Variants in NID1 observed in about 807,000 individuals in gnomAD.
The protein encoded by NID1 is nidogen 1, also known as nidogen-1.
NID1 carries 76 observed loss-of-function variants against 130.6 expected under a neutral mutation model. The observed-to-expected ratio is 0.58, with a 90% CI of 0.48 to 0.70. NID1 has a LOEUF of 0.70. Among genes scored for constraint, NID1 ranks in the 30% least tolerant of loss-of-function variants. The pLI is 0.00. For synonymous variants in NID1, 665 were observed against 675.1 expected, an observed-to-expected ratio of 0.98 and a Z score of 0.23; for missense variants, 1,517 against 1,664.8, an observed-to-expected ratio of 0.91 and a Z score of 1.54.
chr1:236,001,284 T>C (rs1216492881), intron 12 of NID1, among the ~76,000 whole-genome samples: 1 of 152,070 alleles, frequency 6.6e-6, no homozygotes, highest in African/African-American at 2.4e-5. Flanking sequence ...TTTCTGTATT[T>C]TTAGTAGAGA....
chr1:236,004,242 A>G (rs1056156549), intron 12 of NID1, among the ~76,000 whole-genome samples: 1 of 152,122 alleles, frequency 6.6e-6, no homozygotes, highest in African/African-American at 2.4e-5. Flanking sequence ...TAACTAGGTA[A>G]CAAAATCCAT....
At chr1:236,004,329 G>A (rs1406961244) in intron 12 of NID1, among the ~76,000 whole-genome samples, 1 of 152,182 alleles carries the variant, frequency 6.6e-6, no homozygotes, top group South Asian at 2.1e-4. Context: ...TGTCATCTTT[G>A]TGTGGCAGAC....
intron 12 of NID1, among the ~76,000 whole-genome samples, chr1:235,995,584 C>T (rs766219154): frequency 5.9e-5 from 9 of 152,226 alleles, no homozygotes; most frequent in African/African-American, 2.2e-4. Flanking sequence ...CTGCTAAGAG[C>T]TATACTTCAT....
chr1:236,011,983 C>T lies in NID1; in HGVS notation c.2465G>A (p.Gly822Asp). ...HPDAFCYNTPGSFTCQCKPGY... is the reference protein window; with the variant it reads ...HPDAFCYNTPDSFTCQCKPGY... ...AGGTTTGCACTGGCACGTGAAAGAGCCTGGAGTGTTGTAGCAGAAGGCGTC... is the reference window on the plus strand; with the variant it reads ...AGGTTTGCACTGGCACGTGAAAGAGTCTGGAGTGTTGTAGCAGAAGGCGTC... The change falls in exon 12 of 20, where the codon GGC (glycine) becomes GAC (aspartate). Residue 822 changes from glycine to aspartate, a missense_variant. Transcript: ENST00000264187. 1.9e-6 allele frequency: 3 copies of T among 1,614,214 alleles called. No homozygotes were observed. Among genetic ancestry groups the T allele is most frequent in the Non-Finnish European group, 1.7e-6 (2 of 1,180,032 alleles).
At chr1:236,019,985 C>T (rs529699425) in intron 9 of NID1, among the ~76,000 whole-genome samples, 55 of 147,160 alleles carry the variant, frequency 3.7e-4, no homozygotes, top group African/African-American at 1.2e-3. Context: ...TGCAGTGAGC[C>T]GAAATTGCGC....
At position 235,981,666 on chromosome 1, in the gene NID1, G is replaced by A. The variant is rs147237712; in HGVS notation, c.3172C>T (p.Leu1058Phe). 102 of 1,614,078 alleles carry A rather than the reference G, an allele frequency of 6.3e-5. No individual in the cohort carries two copies. Among genetic ancestry groups the A allele is most frequent in the Non-Finnish European group, 1.0e-5 (12 of 1,180,038 alleles). The change falls in exon 16 of 20, where the codon CTC (leucine) becomes TTC (phenylalanine). Residue 1058 changes from leucine to phenylalanine, a missense_variant. By Grantham distance (22) the Leu-to-Phe change is conservative (BLOSUM62 0). Around this residue, in one of 3 missense-constraint regions of NID1, gnomAD observed 1,329 missense variants for 1,429.2 expected, o/e 0.93. Transcript: ENST00000264187. ...GGATTCACCAAGTCAGTCTCAAAGAGCACCCGGCGCTGCGTGCCGTCCAGC... is the reference window on the plus strand; with the variant it reads ...GGATTCACCAAGTCAGTCTCAAAGAACACCCGGCGCTGCGTGCCGTCCAGC... ...AKLDGTQRRV[L>F]FETDLVNPRG...
At chr1:236,057,455 C>A (rs541939416) in intron 1 of NID1, among the ~76,000 whole-genome samples, 1 of 152,164 alleles carries the variant, frequency 6.6e-6, no homozygotes, top group African/African-American at 2.4e-5. Context: ...CTCAGCTGGG[C>A]GTGGTGGCTC....
At chr1:236,005,237 G>T (rs894048213) in intron 12 of NID1, among the ~76,000 whole-genome samples, 11 of 151,752 alleles carry the variant, frequency 7.2e-5, no homozygotes, top group South Asian at 2.1e-4. Context: ...TAGGCGGGGG[G>T]TGGGGAGAGA....
chr1:236,016,346 GAA>G (rs1334897214), intron 10 of NID1, among the ~76,000 whole-genome samples: 2 of 152,144 alleles, frequency 1.3e-5, no homozygotes, highest in African/African-American at 4.8e-5. Context: ...AGAGCAAAAA[GAA>G]AACATTCTAG....
intron 14 of NID1, among the ~76,000 whole-genome samples, chr1:235,986,704 CA>C (rs1657584453): frequency 1.3e-5 from 2 of 152,150 alleles, no homozygotes; most frequent in African/African-American, 4.8e-5. Flanking sequence ...TCAACTGATC[CA>C]GCCGCCTGGG....
At chr1:235,994,718 A>C (rs1475185244) in intron 12 of NID1, among the ~76,000 whole-genome samples, 2 of 137,746 alleles carry the variant, frequency 1.5e-5, no homozygotes, top group Non-Finnish European at 3.1e-5. Context: ...TTTTTTTGAG[A>C]CGGAGTCTCG....
At position 236,063,153 on chromosome 1, in the gene NID1, C is replaced by CAAAAAAA. The variant is rs57769010; in HGVS notation, c.225+1695_225+1701dup. On this transcript the variant is annotated intron_variant, in intron 1 of 19. Coordinates refer to ENST00000264187, the MANE Select transcript of NID1 (RefSeq NM_002508.3). Reference sequence around the variant, plus strand: ...TGTGCAACAGAGTGAGACTTCATCTCAAAAAAAAAAAAAAAAAAAAAAGTA... The same window carrying CAAAAAAA: ...TGTGCAACAGAGTGAGACTTCATCTCAAAAAAAAAAAAAAAAAAAAAAAAAAAAAGTA... Among the ~76,000 whole-genome samples the CAAAAAAA allele has an allele frequency of 4.4e-3, 352 of 79,686 alleles. 8 individuals are homozygous for CAAAAAAA. The highest frequency in any genetic ancestry group is 0.018 in the African/African-American group (277 of 15,748). The allele number at this position is 79,686 out of a possible 152,430, so 52.3% of individuals were successfully genotyped here.
Position 236,032,643 on chromosome 1 carries a change from TG to T in NID1, c.1294del (p.Gln432SerfsTer7). ...TCCTTTCACCTTGCCATTGACTCGC[TG>T]GGGGGAACCTGAGCAAGAAAACAAA... ...GRQCVAEGSP[Q>X]RVNGKVKGRI... On this transcript the variant is annotated frameshift_variant, in exon 6 of 20. Coordinates refer to ENST00000264187, the MANE Select transcript of NID1 (RefSeq NM_002508.3). LOFTEE classifies it high-confidence loss of function. The T allele has an allele frequency of 1.2e-6, 2 of 1,614,128 alleles. No individual in the cohort carries two copies. Among genetic ancestry groups the T allele is most frequent in the Non-Finnish European group, 1.7e-6 (2 of 1,180,022 alleles).
chr1:236,018,840 C>T (rs1658674196), intron 9 of NID1, among the ~76,000 whole-genome samples: 1 of 152,182 alleles, frequency 6.6e-6, no homozygotes, highest in Admixed American at 6.5e-5. Context: ...ATCTCTTCCC[C>T]AGCGCTTTCA....
intron 9 of NID1, among the ~76,000 whole-genome samples, chr1:236,023,668 C>T (rs1262514031): frequency 6.6e-6 from 1 of 151,914 alleles, no homozygotes; most frequent in Non-Finnish European, 1.5e-5. Flanking sequence ...AACAAAAAAT[C>T]CATCTTGTTA....
chr1:236,015,602 G>A (rs956262827), intron 10 of NID1, among the ~76,000 whole-genome samples: 7 of 140,472 alleles, frequency 5.0e-5, no homozygotes, highest in East Asian at 2.0e-4. Flanking sequence ...AGCCAAGATC[G>A]CGCCATTGCA....
At chr1:236,058,146 G>A (rs890100880) in intron 1 of NID1, among the ~76,000 whole-genome samples, 3 of 152,174 alleles carry the variant, frequency 2.0e-5, no homozygotes, top group African/African-American at 7.2e-5. Context: ...GAGGTTCTTT[G>A]TGAATTTGCA....
At position 236,025,911 on chromosome 1, in the gene NID1, T is replaced by A. The variant is rs779796266; in HGVS notation, c.1969A>T (p.Ile657Phe). The A allele has an allele frequency of 1.9e-6, 3 of 1,613,690 alleles. No individual in the cohort carries two copies. The highest frequency in any genetic ancestry group is 2.2e-5 in the South Asian group (2 of 91,062). Residue 657 changes from isoleucine (I) to phenylalanine (F), a missense_variant, in exon 8 of 20, where the codon ATT becomes TTT. Ile to Phe is a conservative substitution (Grantham distance 21). This residue lies in a region of NID1 where 1,329 missense variants were observed against 1,429.2 expected (regional missense o/e 0.93). Transcript: ENST00000264187. ...ATCCCCTTACCCCTCACAGGCCCAA[T>A]GGAGTTGCTGAGAGCATAGCGCAAG... ...KILRYALSNS[I>F]GPVREGSPDA...
At chr1:236,054,036 A>G (rs1470961637) in intron 1 of NID1, among the ~76,000 whole-genome samples, 3 of 152,228 alleles carry the variant, frequency 2.0e-5, no homozygotes, top group Non-Finnish European at 4.4e-5. Context: ...AATGGACACA[A>G]TGGGATGCAA....
Sources: allele counts gnomAD v4.1 joint callset (sites outside exome capture counted in the v4.1 genomes callset), GRCh38; gene constraint gnomAD v4.1.1; regional missense constraint gnomAD v4.1.1; transcripts MANE v1.5; gene names NCBI Gene and HGNC (gene_info 2026-07-23, HGNC 2026-07-21).